Variants in ARID4B observed in about 807,000 individuals in gnomAD.
ARID4B encodes AT-rich interaction domain 4B, also known as AT-rich interactive domain-containing protein 4B.
ARID4B carries 26 observed loss-of-function variants against 147.5 expected under a neutral mutation model. The observed-to-expected ratio is 0.18, with a 90% CI of 0.13 to 0.24. ARID4B has a LOEUF of 0.24. Ranked by LOEUF, ARID4B falls within the 10% of genes least tolerant of loss-of-function variation. The pLI is 1.00. For missense variants in ARID4B, 1,179 were observed against 1,511.5 expected (o/e 0.78, Z 3.65); for synonymous variants, 512 against 507.9 (o/e 1.01, Z -0.11).
intron 18 of ARID4B, 24 bp downstream of exon 18, chr1:235,196,007 T>C: frequency 2.8e-6 from 4 of 1,416,188 alleles, no homozygotes; most frequent in Admixed American, 1.9e-5. Flanking sequence ...GAGCTAATAG[T>C]GTGTAGTAAA....
At chr1:235,320,725 G>A (rs1266604667) in intron 2 of ARID4B, among the ~76,000 whole-genome samples, 3 of 152,084 alleles carry the variant, frequency 2.0e-5, no homozygotes, top group African/African-American at 7.2e-5. Flanking sequence ...CAGCCCTGAT[G>A]GCCTTAATGT....
intron 2 of ARID4B, among the ~76,000 whole-genome samples, chr1:235,291,258 T>A (rs1672316601): frequency 6.6e-6 from 1 of 151,570 alleles, no homozygotes; most frequent in Admixed American, 6.6e-5. Flanking sequence ...TAAAAATAAA[T>A]TAGCTGGGCA....
intron 8 of ARID4B, 122 bp from the exon 9 acceptor site, chr1:235,234,614 G>A (rs1488154463): frequency 9.3e-6 from 6 of 641,956 alleles, no homozygotes; most frequent in African/African-American, 2.2e-5. Flanking sequence ...TAGTTTGAGG[G>A]TAAACAGGCA....
At chr1:235,193,915 A>T (rs1665297956) in intron 19 of ARID4B, 98 bp downstream of exon 19, 1 of 872,502 alleles carries the variant, frequency 1.1e-6, no homozygotes. Flanking sequence ...CTCTGGTAGA[A>T]AAAACAGTAG....
chr1:235,216,023 TATAA>T (rs1197971246), intron 16 of ARID4B, among the ~76,000 whole-genome samples: 4 of 152,258 alleles, frequency 2.6e-5, no homozygotes, highest in African/African-American at 7.2e-5. Flanking sequence ...AAAAATAATA[TATAA>T]ATAGTGATAT....
intron 2 of ARID4B, among the ~76,000 whole-genome samples, chr1:235,306,308 C>T (rs1052528158): frequency 1.3e-5 from 2 of 152,052 alleles, no homozygotes; most frequent in East Asian, 1.9e-4. Context: ...TCGAGACCAT[C>T]CTGGCTAAGA....
intron 8 of ARID4B, among the ~76,000 whole-genome samples, chr1:235,236,860 ATATTT>A (rs1300636579): frequency 1.5e-4 from 3 of 20,406 alleles, no homozygotes; most frequent in Non-Finnish European, 1.9e-4. Context: ...ATATATATAT[ATATTT>A]TTTTTTTTTT....
chr1:235,168,614 T>C lies in ARID4B; in HGVS notation c.3850A>G (p.Ser1284Gly), dbSNP rs562038803. Residue 1284 changes from serine (S) to glycine (G), a missense_variant, in exon 24 of 24, where the codon AGT becomes GGT. Physicochemically the swap from Ser to Gly is moderately conservative, Grantham distance 56. This residue lies in a region of ARID4B where 357 missense variants were observed against 427.3 expected (regional missense o/e 0.84). Transcript: ENST00000264183. The stretch of plus-strand genomic sequence containing the variant: ...AACATAACAGCAGCTGTTATGGAAC[T>C]GGATGAAGGTGAAGAGGAGGATGAG... ...TSSSSSSPSSSSITAAVMLTL... is the reference protein window; with the variant it reads ...TSSSSSSPSSGSITAAVMLTL... The C allele has an allele frequency of 6.2e-7, 1 of 1,614,020 alleles. No individual in the cohort carries two copies. The highest frequency in any genetic ancestry group is 8.5e-7 in the Non-Finnish European group (1 of 1,179,952).
At chr1:235,303,505 T>C (rs1204649592) in intron 2 of ARID4B, among the ~76,000 whole-genome samples, 1 of 152,020 alleles carries the variant, frequency 6.6e-6, no homozygotes, top group Non-Finnish European at 1.5e-5. Flanking sequence ...AAGAAGATCA[T>C]TTGAGGCCAG....
intron 22 of ARID4B, among the ~76,000 whole-genome samples, chr1:235,174,820 A>C (rs1028023256): frequency 6.6e-6 from 1 of 151,428 alleles, no homozygotes; most frequent in Non-Finnish European, 1.5e-5. Context: ...GTCTCAAAAA[A>C]AAAGGCCAGG....
chr1:235,271,935 C>T (rs1046508305), intron 2 of ARID4B, among the ~76,000 whole-genome samples: 4 of 150,712 alleles, frequency 2.7e-5, no homozygotes, highest in South Asian at 2.1e-4. Flanking sequence ...GGCAACAGAG[C>T]GAGACTCCAT....
intron 2 of ARID4B, among the ~76,000 whole-genome samples, chr1:235,326,259 T>C (rs1675252329): frequency 1.3e-5 from 2 of 152,184 alleles, no homozygotes; most frequent in Non-Finnish European, 2.9e-5. Context: ...TTTGACCCTA[T>C]TCTCCACTCA....
At chr1:235,292,551 G>C (rs1402201253) in intron 2 of ARID4B, among the ~76,000 whole-genome samples, 1 of 151,718 alleles carries the variant, frequency 6.6e-6, no homozygotes, top group Admixed American at 6.6e-5. Flanking sequence ...GGGAGGCAGA[G>C]GCTGCAGTGA....
intron 3 of ARID4B, among the ~76,000 whole-genome samples, chr1:235,258,019 C>G (rs1670089883): frequency 6.6e-6 from 1 of 152,018 alleles, no homozygotes; most frequent in Admixed American, 6.6e-5. Flanking sequence ...TATGACTGTT[C>G]CCATTTTGTT....
In ARID4B at chr1:235,219,660, T is replaced by A. The variant is rs561542628; in HGVS notation, c.1583+133A>T. Reference sequence around the variant, plus strand: ...TCTGAAAGAAGTGAATGCTATTTAATTAATAAATGCCAATCACTCTATTAT... The same window carrying A: ...TCTGAAAGAAGTGAATGCTATTTAAATAATAAATGCCAATCACTCTATTAT... On this transcript the variant is annotated intron_variant, in intron 16 of 23. Coordinates refer to ENST00000264183, the MANE Select transcript of ARID4B (RefSeq NM_016374.6). 24 of 685,712 alleles carry A rather than the reference T, an allele frequency of 3.5e-5. No homozygotes were observed. The East Asian group carries it at 7.6e-4, about 22-fold the overall frequency. The allele number at this position is 685,712 out of a possible 1,614,324, so 42.5% of individuals were successfully genotyped here. A position where few individuals can be genotyped will look rare whatever the true frequency, so the allele number is the denominator to read the frequency against.
chr1:235,313,137 G>A (rs1394017311), intron 2 of ARID4B, among the ~76,000 whole-genome samples: 3 of 152,000 alleles, frequency 2.0e-5, no homozygotes, highest in South Asian at 2.1e-4. Flanking sequence ...TCCACTTCCC[G>A]GGTTCAAGAG....
intron 4 of ARID4B, among the ~76,000 whole-genome samples, chr1:235,256,711 G>A (rs981967798): frequency 5.3e-5 from 8 of 152,132 alleles, no homozygotes; most frequent in African/African-American, 1.7e-4. Context: ...TCAGATCATC[G>A]TGGAACTGAC....
intron 5 of ARID4B, among the ~76,000 whole-genome samples, chr1:235,255,267 A>ATC (rs772853750): frequency 0.09 from 12,298 of 136,868 alleles, 769 homozygotes; most frequent in African/African-American, 0.13. Flanking sequence ...AGATAGATAT[A>ATC]TATCTCTCTC....
chr1:235,259,110 T>TA (rs932449137), intron 3 of ARID4B, among the ~76,000 whole-genome samples: 1 of 152,162 alleles, frequency 6.6e-6, no homozygotes, highest in African/African-American at 2.4e-5. Flanking sequence ...CCGAAAAAAT[T>TA]AAAAATAAGC....
Sources: gnomAD v4.1 joint callset for allele counts (sites outside exome capture counted in the v4.1 genomes callset) on GRCh38, gnomAD v4.1.1 for gene constraint, gnomAD v4.1.1 regional missense constraint, MANE v1.5 for transcripts, NCBI Gene and HGNC (gene_info 2026-07-23, HGNC 2026-07-21) for gene names.